PLCL1: variants seen among roughly 807,000 people sequenced by gnomAD.
PLCL1 encodes inactive phospholipase C-like protein 1.
Under a neutral mutation model 84.4 loss-of-function variants are expected in PLCL1, and 41 were observed. The ratio of observed to expected loss-of-function variants is 0.49; its 90% confidence interval spans 0.38 to 0.63. The LOEUF is 0.63. PLCL1 is among the 30% of genes least tolerant of loss of function. The pLI, the probability that PLCL1 is intolerant of heterozygous loss-of-function variation, is 0.00. For synonymous variants in PLCL1, 490 were observed against 488.3 expected, an observed-to-expected ratio of 1.00 and a Z score of -0.05; for missense variants, 1,206 against 1,367.8, an observed-to-expected ratio of 0.88 and a Z score of 1.87.
intron 1 of PLCL1, among the ~76,000 whole-genome samples, chr2:198,080,417 A>G (rs200851961): frequency 6.6e-6 from 1 of 152,164 alleles, no homozygotes; most frequent in South Asian, 2.1e-4. Context: ...ATCTGCCAAG[A>G]TCTTCTTGAG....
intron 1 of PLCL1, among the ~76,000 whole-genome samples, chr2:197,916,129 T>C (rs1688594204): frequency 1.3e-5 from 2 of 152,212 alleles, no homozygotes; most frequent in Admixed American, 1.3e-4. Context: ...AGGAGTACAT[T>C]TTCAGCATTC....
At chr2:197,908,791 T>G (rs1688431401) in intron 1 of PLCL1, among the ~76,000 whole-genome samples, 1 of 152,222 alleles carries the variant, frequency 6.6e-6, no homozygotes, top group Non-Finnish European at 1.5e-5. Context: ...GCTCTTCTTT[T>G]TTCTTTTATA....
chr2:197,858,443 A>G (rs1169053682), intron 1 of PLCL1, among the ~76,000 whole-genome samples: 2 of 152,010 alleles, frequency 1.3e-5, no homozygotes, highest in African/African-American at 2.4e-5. Context: ...TTTTTCCTCT[A>G]TCGCGTTCTC....
At chr2:197,898,699 T>C (rs1688203566) in intron 1 of PLCL1, among the ~76,000 whole-genome samples, 1 of 151,674 alleles carries the variant, frequency 6.6e-6, no homozygotes, top group African/African-American at 2.4e-5. Context: ...TATAATTTAT[T>C]AATATAAATG....
chr2:198,118,128 T>C (rs1693788111), intron 5 of PLCL1, among the ~76,000 whole-genome samples: 1 of 151,962 alleles, frequency 6.6e-6, no homozygotes, highest in Non-Finnish European at 1.5e-5. Context: ...TAACTAAATG[T>C]ATTCTCAGCT....
At chr2:197,873,437 C>G (rs1019465292) in intron 1 of PLCL1, among the ~76,000 whole-genome samples, 1 of 151,942 alleles carries the variant, frequency 6.6e-6, no homozygotes, top group Non-Finnish European at 1.5e-5. Flanking sequence ...CACTTTGTGG[C>G]GGGGAACTTT....
At chr2:198,091,987 C>T (rs989031217) in intron 3 of PLCL1, among the ~76,000 whole-genome samples, 1 of 151,618 alleles carries the variant, frequency 6.6e-6, no homozygotes, top group Non-Finnish European at 1.5e-5. Flanking sequence ...CTCTCCCAAC[C>T]TCACCTGCCT....
At chr2:198,101,396 T>TC (rs1399787246) in intron 4 of PLCL1, 36 bp downstream of exon 4, 1 of 1,194,938 alleles carries the variant, frequency 8.4e-7, no homozygotes, top group African/African-American at 1.6e-5. Flanking sequence ...GTTTTTTTTT[T>TC]CTATTTTGTT....
At chr2:197,946,015 A>G (rs1574962700) in intron 1 of PLCL1, among the ~76,000 whole-genome samples, 1 of 152,202 alleles carries the variant, frequency 6.6e-6, no homozygotes, top group East Asian at 1.9e-4. Flanking sequence ...TTTAATGTCA[A>G]CCATGTACAA....
At chr2:198,030,017 A>G (rs1482419819) in intron 1 of PLCL1, among the ~76,000 whole-genome samples, 3 of 151,960 alleles carry the variant, frequency 2.0e-5, no homozygotes, top group African/African-American at 7.2e-5. Context: ...CTTTTTTTAA[A>G]TTTTAAGTTC....
intron 1 of PLCL1, among the ~76,000 whole-genome samples, chr2:198,032,142 C>G (rs530002651): frequency 1.3e-5 from 2 of 152,290 alleles, no homozygotes; most frequent in East Asian, 3.9e-4. Context: ...AATCACATGT[C>G]TCTCAAAAAT....
chr2:198,129,789 G>A (rs1446614802), intron 5 of PLCL1, among the ~76,000 whole-genome samples: 1 of 151,928 alleles, frequency 6.6e-6, no homozygotes, highest in Non-Finnish European at 1.5e-5. Flanking sequence ...TAACAGGGTT[G>A]TTTATACTTG....
At chr2:197,849,425 G>A (rs1037608755) in intron 1 of PLCL1, among the ~76,000 whole-genome samples, 1 of 152,034 alleles carries the variant, frequency 6.6e-6, no homozygotes, top group African/African-American at 2.4e-5. Flanking sequence ...GCTTTTTTGT[G>A]TGTGCGTGCA....
At chr2:197,839,809 C>T (rs955898180) in intron 1 of PLCL1, among the ~76,000 whole-genome samples, 1 of 152,002 alleles carries the variant, frequency 6.6e-6, no homozygotes, top group East Asian at 1.9e-4. Context: ...TTTTTGCTTC[C>T]CATTAGCCAA....
intron 1 of PLCL1, among the ~76,000 whole-genome samples, chr2:197,948,511 T>G (rs1689325977): frequency 6.7e-6 from 1 of 149,038 alleles, no homozygotes; most frequent in Non-Finnish European, 1.5e-5. Context: ...GTGGCTTAAT[T>G]TTTTTTTTTT....
chr2:197,928,417 T>C (rs1688873335), intron 1 of PLCL1, among the ~76,000 whole-genome samples: 1 of 152,226 alleles, frequency 6.6e-6, no homozygotes, highest in Admixed American at 6.5e-5. Context: ...GACCCCATTA[T>C]ATTTTTAAAG....
At chr2:198,123,210 G>A (rs911354785) in intron 5 of PLCL1, among the ~76,000 whole-genome samples, 1 of 152,036 alleles carries the variant, frequency 6.6e-6, no homozygotes, top group Non-Finnish European at 1.5e-5. Flanking sequence ...GTTACAATAG[G>A]CAAACTATCC....
At chr2:197,987,704 AAG>A (rs1312165806) in intron 1 of PLCL1, among the ~76,000 whole-genome samples, 1 of 152,228 alleles carries the variant, frequency 6.6e-6, no homozygotes, top group African/African-American at 2.4e-5. Flanking sequence ...ACAGAACAGC[AAG>A]GGAATAGTAA....
intron 1 of PLCL1, among the ~76,000 whole-genome samples, chr2:197,833,648 C>A (rs921331509): frequency 1.3e-5 from 2 of 151,298 alleles, no homozygotes; most frequent in Non-Finnish European, 3.0e-5. Context: ...TCAAGGAGGA[C>A]TACAAGGAAA....
Sources: allele counts gnomAD v4.1 joint callset (sites outside exome capture counted in the v4.1 genomes callset), GRCh38; gene constraint gnomAD v4.1.1; transcripts MANE v1.5; gene names NCBI Gene and HGNC (gene_info 2026-07-23, HGNC 2026-07-21).